The following MED12L variants were observed in gnomAD, a reference collection of about 807,000 sequenced individuals.
MED12L encodes mediator complex subunit 12L, also known as mediator of RNA polymerase II transcription subunit 12-like protein.
Under a neutral mutation model 281.3 loss-of-function variants are expected in MED12L, and 60 were observed. That is an observed-to-expected ratio of 0.21 (90% CI 0.17 to 0.26). MED12L has a LOEUF of 0.26. Among genes scored for constraint, MED12L ranks in the 10% least tolerant of loss-of-function variants. The pLI is 1.00. For synonymous variants in MED12L, 974 were observed against 987.2 expected (o/e 0.99, Z 0.25); for missense variants, 2,146 against 2,680.9 (o/e 0.80, Z 4.41).
At chr3:151,282,893 C>T (rs1289383140) in intron 16 of MED12L, among the ~76,000 whole-genome samples, 5 of 152,090 alleles carry the variant, frequency 3.3e-5, no homozygotes, top group Non-Finnish European at 7.4e-5. Context: ...TTATGTTTCC[C>T]TATGTGAAGC....
At chr3:151,086,090 T>C (rs530526298) in intron 1 of MED12L, among the ~76,000 whole-genome samples, 154 bp downstream of exon 1, 1 of 152,104 alleles carries the variant, frequency 6.6e-6, no homozygotes, top group African/African-American at 2.4e-5. Flanking sequence ...CTGGAGGGAC[T>C]GTAAAGGGTT....
chr3:151,313,994 T>TAATTA (rs1747901410), intron 16 of MED12L, among the ~76,000 whole-genome samples: 1 of 152,140 alleles, frequency 6.6e-6, no homozygotes, highest in East Asian at 1.9e-4. Flanking sequence ...TATATGCTAA[T>TAATTA]TATTGTTGTT....
chr3:151,424,459 A>C (rs1165286939), intron 43 of MED12L, among the ~76,000 whole-genome samples: 1 of 152,106 alleles, frequency 6.6e-6, no homozygotes, highest in Non-Finnish European at 1.5e-5. Flanking sequence ...CTGTATTAAA[A>C]ATACAAAAAA....
At chr3:151,294,233 A>C in intron 16 of MED12L, 1 of 1,613,816 alleles carries the variant, frequency 6.2e-7, no homozygotes, top group Non-Finnish European at 8.5e-7. Flanking sequence ...CAGTGATCTG[A>C]TGCTTTCACT....
chr3:151,088,571 C>T (rs1719585370), intron 2 of MED12L, among the ~76,000 whole-genome samples: 1 of 152,112 alleles, frequency 6.6e-6, no homozygotes, highest in Non-Finnish European at 1.5e-5. Flanking sequence ...GGCATGATGG[C>T]TTGGGGTGCT....
chr3:151,297,775 A>G (rs900003403), intron 16 of MED12L, among the ~76,000 whole-genome samples: 1 of 152,152 alleles, frequency 6.6e-6, no homozygotes, highest in African/African-American at 2.4e-5. Flanking sequence ...TTAAATGATG[A>G]TATTGATGAT....
At chr3:151,389,787 A>G (rs1713944268) in intron 37 of MED12L, among the ~76,000 whole-genome samples, 192 bp from the exon 38 acceptor site, 1 of 152,192 alleles carries the variant, frequency 6.6e-6, no homozygotes, top group African/African-American at 2.4e-5. Context: ...TGTTTAAGTC[A>G]AGGAAAAGTT....
chr3:151,329,085 C>A, intron 16 of MED12L: 1 of 1,075,884 alleles, frequency 9.3e-7, no homozygotes, highest in Non-Finnish European at 1.3e-6. Flanking sequence ...TTTTTAAAAA[C>A]AGACTTTATG....
At chr3:151,343,164 T>C (rs906206564) in intron 16 of MED12L, among the ~76,000 whole-genome samples, 1 of 152,150 alleles carries the variant, frequency 6.6e-6, no homozygotes, top group Non-Finnish European at 1.5e-5. Context: ...AGGACCATAC[T>C]CTCCTTTACA....
At chr3:151,231,808 G>T (rs1731729078) in intron 16 of MED12L, among the ~76,000 whole-genome samples, 1 of 152,144 alleles carries the variant, frequency 6.6e-6, no homozygotes, top group Admixed American at 6.5e-5. Context: ...TGATGGTGTG[G>T]TTAAGCGAGA....
intron 13 of MED12L, 43 bp from the exon 14 acceptor site, chr3:151,190,674 C>T: frequency 6.4e-7 from 1 of 1,570,432 alleles, no homozygotes; most frequent in Non-Finnish European, 8.7e-7. Flanking sequence ...TTTTTTTCTA[C>T]CACCTGCTCA....
At chr3:151,205,157 T>G (rs537739772) in intron 16 of MED12L, among the ~76,000 whole-genome samples, 1 of 152,344 alleles carries the variant, frequency 6.6e-6, no homozygotes, top group South Asian at 2.1e-4. Context: ...TTTCTATCTG[T>G]TTCACTGAGG....
intron 5 of MED12L, among the ~76,000 whole-genome samples, chr3:151,154,404 A>T (rs961747308): frequency 6.6e-6 from 1 of 152,202 alleles, no homozygotes; most frequent in South Asian, 2.1e-4. Flanking sequence ...GGAAAGATAT[A>T]TATGAAAATA....
chr3:151,254,850 T>C (rs534470341), intron 16 of MED12L, among the ~76,000 whole-genome samples: 1 of 152,342 alleles, frequency 6.6e-6, no homozygotes, highest in South Asian at 2.1e-4. Flanking sequence ...TATTGCTGTC[T>C]TATAAATGTC....
intron 11 of MED12L, among the ~76,000 whole-genome samples, chr3:151,175,476 T>C (rs972014590): frequency 1.3e-5 from 2 of 152,116 alleles, no homozygotes; most frequent in East Asian, 3.8e-4. Flanking sequence ...AAGTCATTGA[T>C]TTTTTTCCCC....
intron 2 of MED12L, among the ~76,000 whole-genome samples, chr3:151,106,247 C>CTTTCCT (rs1232800154): frequency 4.5e-4 from 66 of 146,776 alleles, no homozygotes; most frequent in African/African-American, 1.5e-3. Flanking sequence ...CTTTCCTTTC[C>CTTTCCT]TTTCCTTTTC....
intron 38 of MED12L, among the ~76,000 whole-genome samples, chr3:151,394,062 C>T (rs929165602): frequency 1.3e-5 from 2 of 151,986 alleles, no homozygotes; most frequent in South Asian, 4.1e-4. Flanking sequence ...TCTTAAGCAT[C>T]GGTATAATAG....
At chr3:151,341,676 A>T (rs1229303372) in intron 16 of MED12L, among the ~76,000 whole-genome samples, 1 of 151,868 alleles carries the variant, frequency 6.6e-6, no homozygotes, top group African/African-American at 2.4e-5. Flanking sequence ...TGCTACACCC[A>T]TTAACTCGTC....
chr3:151,420,012 A>G (rs544529631), intron 43 of MED12L, among the ~76,000 whole-genome samples: 1 of 152,136 alleles, frequency 6.6e-6, no homozygotes, highest in Non-Finnish European at 1.5e-5. Context: ...CCCATTCTGT[A>G]TTCCCTTCAC....
Sources: gnomAD v4.1 joint callset for allele counts (sites outside exome capture counted in the v4.1 genomes callset) on GRCh38, gnomAD v4.1.1 for gene constraint, MANE v1.5 for transcripts, NCBI Gene and HGNC (gene_info 2026-07-23, HGNC 2026-07-21) for gene names.